ZCWPW2: variants seen among roughly 807,000 people sequenced by gnomAD.
ZCWPW2 encodes zinc finger CW-type PWWP domain protein 2.
ZCWPW2 carries 45 observed loss-of-function variants against 46.6 expected under a neutral mutation model. The observed-to-expected ratio is 0.96, with a 90% CI of 0.76 to 1.24. The LOEUF (loss-of-function observed/expected upper bound fraction) is 1.24, where lower values mean the gene tolerates loss of function less well. Ranked by LOEUF, ZCWPW2 falls within the 50% of genes most tolerant of loss-of-function variation. ZCWPW2 has a pLI of 0.00. For missense variants in ZCWPW2, 429 were observed against 403.9 expected (o/e 1.06, Z -0.53); for synonymous variants, 152 against 137.1 (o/e 1.11, Z -0.76).
chr3:28,386,316 A>G (rs536309728), intron 1 of ZCWPW2, among the ~76,000 whole-genome samples: 64 of 152,314 alleles, frequency 4.2e-4, no homozygotes, highest in Admixed American at 3.7e-3. Context: ...TCCGCAAGCC[A>G]GAAAGAGAGC....
chr3:28,511,243 G>A (rs1700418878), intron 6 of ZCWPW2: 2 of 243,388 alleles, frequency 8.2e-6, no homozygotes, highest in Admixed American at 4.4e-5. Context: ...TTCTTTATAT[G>A]GGTCATATTG....
chr3:28,353,807 TAGGG>T (rs1162193001), intron 1 of ZCWPW2, among the ~76,000 whole-genome samples: 1 of 152,106 alleles, frequency 6.6e-6, no homozygotes, highest in Non-Finnish European at 1.5e-5. Context: ...TGAACAATCA[TAGGG>T]AGAAGAAATG....
At chr3:28,464,737 C>A (rs1368320750) in intron 4 of ZCWPW2, among the ~76,000 whole-genome samples, 2 of 152,198 alleles carry the variant, frequency 1.3e-5, no homozygotes, top group Admixed American at 6.5e-5. Flanking sequence ...GGCACAGGAG[C>A]TTTAACTTGA....
chr3:28,513,898 A>G lies in ZCWPW2; in HGVS notation c.658-166A>G, dbSNP rs116119919. ...CCTGAAAGATGAGCTGATCCATGCA[A>G]TTGCCGTGACTATGCAGTGGTTGAC... is the stretch of plus-strand genomic sequence containing the variant. On this transcript the variant is annotated intron_variant, in intron 6 of 9. Transcript: ENST00000383768. Among the ~76,000 whole-genome samples, 219 of 151,928 alleles carry G rather than the reference A, an allele frequency of 1.4e-3. 2 individuals carry two copies. Among genetic ancestry groups the G allele is most frequent in the African/African-American group, 4.2e-3 (175 of 41,482 alleles).
intron 4 of ZCWPW2, among the ~76,000 whole-genome samples, chr3:28,441,974 A>G (rs78743221): frequency 0.026 from 3,986 of 152,250 alleles, 153 homozygotes; most frequent in African/African-American, 0.085. Flanking sequence ...GGGCCTGCCA[A>G]AGGCTCCAGA....
At chr3:28,522,092 C>T (rs1418351588) in intron 9 of ZCWPW2, among the ~76,000 whole-genome samples, 2 of 152,010 alleles carry the variant, frequency 1.3e-5, no homozygotes, top group Non-Finnish European at 2.9e-5. Flanking sequence ...GGAAGGGGAA[C>T]ATCACACACT....
At chr3:28,495,317 G>T (rs2125819914) in intron 6 of ZCWPW2, among the ~76,000 whole-genome samples, 1 of 152,256 alleles carries the variant, frequency 6.6e-6, no homozygotes, top group South Asian at 2.1e-4. Context: ...TATAGGTCTT[G>T]TGTGTTCATC....
At chr3:28,396,501 AT>A (rs1695704716) in intron 2 of ZCWPW2, among the ~76,000 whole-genome samples, 1 of 152,332 alleles carries the variant, frequency 6.6e-6, no homozygotes, top group South Asian at 2.1e-4. Context: ...TTGCAGTCTT[AT>A]AAGCATTGTT....
intron 1 of ZCWPW2, among the ~76,000 whole-genome samples, chr3:28,382,281 G>A (rs1178858961): frequency 6.6e-6 from 1 of 152,078 alleles, no homozygotes; most frequent in East Asian, 1.9e-4. Context: ...AGCTATGAGG[G>A]AAGGATCTGT....
chr3:28,378,469 GA>G (rs1559479754), intron 1 of ZCWPW2, among the ~76,000 whole-genome samples: 1 of 152,016 alleles, frequency 6.6e-6, no homozygotes. Context: ...CCCAGATACT[GA>G]AATGGGTTTC....
Position 28,387,834 on chromosome 3 carries a change from A to G in ZCWPW2, c.-133-2664A>G, listed in dbSNP as rs143797532. Among the ~76,000 whole-genome samples the G allele has an allele frequency of 1.1e-3, 175 of 152,332 alleles. 1 individual carries two copies. Among genetic ancestry groups the G allele is most frequent in the African/African-American group, 3.2e-3 (132 of 41,588 alleles). ...TCTAACCAAAAACTTAGTAACACCC[A>G]GAAGAGTGTGCAATAAAGAAGGAAG... is the stretch of plus-strand genomic sequence containing the variant. On this transcript the variant is annotated intron_variant, in intron 1 of 9. Transcript: ENST00000383768.
intron 6 of ZCWPW2, among the ~76,000 whole-genome samples, chr3:28,498,305 A>G (rs1355211392): frequency 6.6e-6 from 1 of 151,522 alleles, no homozygotes; most frequent in Non-Finnish European, 1.5e-5. Context: ...GTGGAAGAAT[A>G]CAAACTTATA....
intron 2 of ZCWPW2, 31 bp from the exon 3 acceptor site, chr3:28,413,025 T>C: frequency 6.5e-7 from 1 of 1,532,634 alleles, no homozygotes; most frequent in Non-Finnish European, 8.8e-7. Context: ...TGAATCCTCA[T>C]TCTGTTATTT....
intron 6 of ZCWPW2, among the ~76,000 whole-genome samples, chr3:28,504,457 A>T (rs1700225715): frequency 6.6e-6 from 1 of 151,702 alleles, no homozygotes; most frequent in Non-Finnish European, 1.5e-5. Context: ...TTGAATAATC[A>T]GGCTGGTTAT....
chr3:28,472,145 C>T (rs1330248518), intron 4 of ZCWPW2, among the ~76,000 whole-genome samples: 3 of 152,090 alleles, frequency 2.0e-5, no homozygotes, highest in African/African-American at 4.8e-5. Flanking sequence ...AATGTCCATA[C>T]TACCCAAAGC....
At chr3:28,412,234 T>G (rs1192065049) in intron 2 of ZCWPW2, among the ~76,000 whole-genome samples, 2 of 151,704 alleles carry the variant, frequency 1.3e-5, no homozygotes. Context: ...TTTATTACTA[T>G]ATACTTTTTT....
At chr3:28,355,284 A>G (rs1051604712) in intron 1 of ZCWPW2, among the ~76,000 whole-genome samples, 2 of 152,230 alleles carry the variant, frequency 1.3e-5, no homozygotes, top group African/African-American at 4.8e-5. Flanking sequence ...TAGGAATCCA[A>G]CTTACAAGGA....
intron 6 of ZCWPW2, among the ~76,000 whole-genome samples, chr3:28,501,939 C>A (rs748284097): frequency 6.6e-6 from 1 of 151,824 alleles, no homozygotes; most frequent in East Asian, 1.9e-4. Context: ...TTTGTAGAGA[C>A]AAGGTACTCC....
At position 28,432,943 on chromosome 3, in the gene ZCWPW2, T is replaced by C. The variant is rs140889548; in HGVS notation, c.333-2167T>C. 2.5e-3 allele frequency among the ~76,000 whole-genome samples: 385 copies of C among 152,296 alleles called. 1 individual carries two copies. Among genetic ancestry groups the C allele is most frequent in the African/African-American group, 8.4e-3 (349 of 41,564 alleles). On this transcript the variant is annotated intron_variant, in intron 3 of 9. Coordinates refer to ENST00000383768, the MANE Select transcript of ZCWPW2 (RefSeq NM_001040432.4). Reference sequence around the variant, plus strand: ...ACAGTAGCAATCCTTATTGATCAAATATCAGATAAGAAAGGCCTTTTGTTA... The same window carrying C: ...ACAGTAGCAATCCTTATTGATCAAACATCAGATAAGAAAGGCCTTTTGTTA...
Sources: allele counts gnomAD v4.1 joint callset (sites outside exome capture counted in the v4.1 genomes callset), GRCh38; gene constraint gnomAD v4.1.1; transcripts MANE v1.5; gene names NCBI Gene and HGNC (gene_info 2026-07-23, HGNC 2026-07-21).